CSMD1: variants seen among roughly 807,000 people sequenced by gnomAD.
CSMD1 encodes the protein CUB and sushi domain-containing protein 1.
In CSMD1, 213 loss-of-function variants were observed where a neutral mutation model predicts 417.5. The ratio of observed to expected loss-of-function variants is 0.51; its 90% confidence interval spans 0.46 to 0.57. CSMD1 has a LOEUF of 0.57. CSMD1 is among the 20% of genes least tolerant of loss of function. CSMD1 has a pLI of 0.00. For missense variants in CSMD1, 6,923 were observed against 4,529.7 expected, an observed-to-expected ratio of 1.53 and a Z score of -15.17; for synonymous variants, 2,862 against 1,736.8, an observed-to-expected ratio of 1.65 and a Z score of -16.11.
At chr8:4,123,777 G>C (rs973762880) in intron 3 of CSMD1, among the ~76,000 whole-genome samples, 3 of 152,138 alleles carry the variant, frequency 2.0e-5, no homozygotes, top group African/African-American at 4.8e-5. Context: ...TGATGATGAA[G>C]TCAGAAGAAC....
At chr8:3,730,255 C>T (rs1802765246) in intron 6 of CSMD1, among the ~76,000 whole-genome samples, 2 of 152,196 alleles carry the variant, frequency 1.3e-5, no homozygotes, top group Admixed American at 6.6e-5. Context: ...TGAGAAAATA[C>T]CTTGAGCACA....
chr8:4,563,352 G>T lies in CSMD1; in HGVS notation c.302+73990C>A, dbSNP rs561277502. On this transcript the variant is annotated intron_variant, in intron 2 of 69. Transcript: ENST00000635120. ...GGAGATAGAGCTTTCAGTGAGCTCA[G>T]ATCGTGCCGCTGCACTCCAGCCTGG... 2.6e-5 allele frequency among the ~76,000 whole-genome samples: 4 copies of T among 152,270 alleles called. No homozygotes were observed. In the East Asian group the frequency reaches 7.7e-4, roughly 29 times the overall value.
chr8:4,569,086 G>A (rs189578689), intron 2 of CSMD1, among the ~76,000 whole-genome samples: 2 of 152,084 alleles, frequency 1.3e-5, no homozygotes, highest in East Asian at 3.9e-4. Flanking sequence ...ACTGTTCACT[G>A]TTCACTGTGA....
chr8:3,961,017 C>A (rs1198481882), intron 5 of CSMD1, among the ~76,000 whole-genome samples: 1 of 151,846 alleles, frequency 6.6e-6, no homozygotes, highest in African/African-American at 2.4e-5. Flanking sequence ...ATAAATTGTA[C>A]AATTCCCATT....
intron 1 of CSMD1, among the ~76,000 whole-genome samples, chr8:4,782,835 C>A (rs1441407393): frequency 4.0e-5 from 6 of 151,764 alleles, no homozygotes; most frequent in Admixed American, 3.9e-4. Flanking sequence ...ATTTAGAAAG[C>A]ACAACTCAAG....
intron 3 of CSMD1, among the ~76,000 whole-genome samples, chr8:4,210,399 T>A (rs1304119545): frequency 6.6e-6 from 1 of 152,234 alleles, no homozygotes; most frequent in African/African-American, 2.4e-5. Context: ...CAGGATTTTA[T>A]AGTGGAAACT....
intron 4 of CSMD1, among the ~76,000 whole-genome samples, chr8:4,014,981 G>C (rs1258248475): frequency 1.3e-5 from 2 of 152,168 alleles, no homozygotes; most frequent in East Asian, 1.9e-4. Flanking sequence ...AGAAAATGTA[G>C]CACAGCAAAT....
chr8:4,743,808 T>C (rs987059936), intron 1 of CSMD1, among the ~76,000 whole-genome samples: 4 of 152,192 alleles, frequency 2.6e-5, no homozygotes, highest in African/African-American at 9.7e-5. Flanking sequence ...TCAGGTGCTA[T>C]GAAAACCTCT....
chr8:4,514,047 G>C lies in CSMD1; in HGVS notation c.303-93982C>G, dbSNP rs1112781. Among the ~76,000 whole-genome samples the C allele has an allele frequency of 9.1e-4, 139 of 152,112 alleles. 1 individual carries two copies. The East Asian group carries it at 0.017, about 19-fold the overall frequency. On this transcript the variant is annotated intron_variant, in intron 2 of 69. Coordinates refer to ENST00000635120, the MANE Select transcript of CSMD1 (RefSeq NM_033225.6). Reference sequence around the variant, plus strand: ...TGCCATAATGAAATACCACAAACTAGGTAGCTTAAACAACAAAATTTTTAT... The same window carrying C: ...TGCCATAATGAAATACCACAAACTACGTAGCTTAAACAACAAAATTTTTAT...
At position 4,064,305 on chromosome 8, in the gene CSMD1, C is replaced by G. The variant is rs564075472; in HGVS notation, c.416-32206G>C. Among the ~76,000 whole-genome samples the G allele has an allele frequency of 3.3e-5, 5 of 152,286 alleles. No homozygotes were observed. In the South Asian group the frequency reaches 1.0e-3, roughly 32 times the overall value. On this transcript the variant is annotated intron_variant, in intron 3 of 69. Transcript: ENST00000635120. The stretch of plus-strand genomic sequence containing the variant: ...ACCATATTTTATATCCTGCAATGTT[C>G]CTGGGCTCCATATGGTGTTTCATAG...
chr8:3,192,405 C>T (rs1191591962), intron 33 of CSMD1, among the ~76,000 whole-genome samples: 1 of 152,186 alleles, frequency 6.6e-6, no homozygotes, highest in South Asian at 2.1e-4. Flanking sequence ...TCAATGATGT[C>T]TAATACATGC....
At chr8:3,034,564 G>A (rs890511941) in intron 50 of CSMD1, among the ~76,000 whole-genome samples, 2 of 152,012 alleles carry the variant, frequency 1.3e-5, no homozygotes, top group Non-Finnish European at 2.9e-5. Flanking sequence ...ATGTACATAT[G>A]TAATTTATAT....
chr8:4,092,271 C>T (rs915074122), intron 3 of CSMD1, among the ~76,000 whole-genome samples: 1 of 152,116 alleles, frequency 6.6e-6, no homozygotes, highest in South Asian at 2.1e-4. Context: ...TTTGTTCCAA[C>T]CAACTGAGTA....
intron 3 of CSMD1, among the ~76,000 whole-genome samples, chr8:4,199,257 A>C (rs939690917): frequency 3.9e-5 from 6 of 152,230 alleles, no homozygotes; most frequent in Non-Finnish European, 7.3e-5. Flanking sequence ...GAACACGCTA[A>C]ATTCATACAT....
chr8:4,651,701 T>A (rs150020431), intron 1 of CSMD1, among the ~76,000 whole-genome samples: 178 of 152,346 alleles, frequency 1.2e-3, no homozygotes, highest in Admixed American at 3.1e-3. Flanking sequence ...GTCATTATTA[T>A]TTCAACATGA....
At chr8:4,819,349 T>C (rs1245958337) in intron 1 of CSMD1, among the ~76,000 whole-genome samples, 1 of 152,190 alleles carries the variant, frequency 6.6e-6, no homozygotes, top group Non-Finnish European at 1.5e-5. Flanking sequence ...GGAATATGTG[T>C]CCATTTACTT....
chr8:4,259,398 C>G (rs1177450646), intron 3 of CSMD1, among the ~76,000 whole-genome samples: 1 of 152,164 alleles, frequency 6.6e-6, no homozygotes, highest in East Asian at 1.9e-4. Context: ...AGCTCCCAAA[C>G]TAGCTTCATT....
At chr8:4,565,770 ATATATATATATATATATATATATATATG>A in intron 2 of CSMD1, among the ~76,000 whole-genome samples, 1 of 22,050 alleles carries the variant, frequency 4.5e-5, no homozygotes, top group Admixed American at 3.9e-4. Flanking sequence ...ATATATATAT[ATATATATATATATATATATATATATATG>A]TATACATATA....
chr8:4,977,428 G>C (rs942050008), intron 1 of CSMD1, among the ~76,000 whole-genome samples: 1 of 152,164 alleles, frequency 6.6e-6, no homozygotes, highest in Non-Finnish European at 1.5e-5. Flanking sequence ...TTGTGTGTGA[G>C]GGGTGGGTGC....
Sources: gnomAD v4.1 joint callset for allele counts (sites outside exome capture counted in the v4.1 genomes callset) on GRCh38, gnomAD v4.1.1 for gene constraint, MANE v1.5 for transcripts, NCBI Gene and HGNC (gene_info 2026-07-23, HGNC 2026-07-21) for gene names.